The following FGF12 variants were observed in gnomAD, a reference collection of about 807,000 sequenced individuals.
FGF12 encodes fibroblast growth factor 12, also known as fibroblast growth factor 12B.
In FGF12, 14 loss-of-function variants were observed where a neutral mutation model predicts 23.6. That is an observed-to-expected ratio of 0.59 (90% CI 0.39 to 0.93). The LOEUF (loss-of-function observed/expected upper bound fraction) is 0.93, where lower values mean the gene tolerates loss of function less well. Among genes scored for constraint, FGF12 ranks in the 40% least tolerant of loss-of-function variants. The pLI, the probability that FGF12 is intolerant of heterozygous loss-of-function variation, is 0.00. For missense variants in FGF12, 175 were observed against 217.8 expected, an observed-to-expected ratio of 0.80 and a Z score of 1.24; for synonymous variants, 62 against 77.3, an observed-to-expected ratio of 0.80 and a Z score of 1.04.
intron 4 of FGF12, among the ~76,000 whole-genome samples, chr3:192,281,512 A>G (rs773899534): frequency 5.3e-5 from 8 of 152,112 alleles, no homozygotes; most frequent in Admixed American, 2.0e-4. Context: ...GGAGGACACT[A>G]TTCATGTGTG....
At chr3:192,667,992 A>G (rs1716957485) in intron 2 of FGF12, among the ~76,000 whole-genome samples, 1 of 152,146 alleles carries the variant, frequency 6.6e-6, no homozygotes, top group South Asian at 2.1e-4. Context: ...TATACATGCA[A>G]ATGGTTAGCT....
chr3:192,283,676 T>G (rs976244565), intron 4 of FGF12, among the ~76,000 whole-genome samples: 1 of 152,042 alleles, frequency 6.6e-6, no homozygotes, highest in African/African-American at 2.4e-5. Flanking sequence ...TCCTACATCT[T>G]TATTCCATAT....
intron 4 of FGF12, among the ~76,000 whole-genome samples, chr3:192,188,752 A>T (rs1299561378): frequency 6.6e-6 from 1 of 152,238 alleles, no homozygotes; most frequent in Non-Finnish European, 1.5e-5. Context: ...GGACTCATTT[A>T]AAACTTGAAT....
intron 5 of FGF12, among the ~76,000 whole-genome samples, chr3:192,149,015 T>C (rs750479164): frequency 5.2e-4 from 79 of 152,188 alleles, no homozygotes; most frequent in Non-Finnish European, 9.4e-4. Context: ...GGCTAATTTG[T>C]GTCAGAGCTT....
rs904283629 is a variant in FGF12 at position 192,581,407 on chromosome 3, A to AAT, written c.13+145772_13+145773dup. On this transcript the variant is annotated intron_variant, in intron 2 of 5. Coordinates refer to ENST00000445105, the MANE Select transcript of FGF12 (RefSeq NM_004113.6). ...ACATGATGAGACCTCACCTCTCTAA[A>AAT]ATATATATATATGTGTGTGTATATA... is the stretch of plus-strand genomic sequence containing the variant. 6.0e-5 allele frequency among the ~76,000 whole-genome samples: 9 copies of AAT among 149,808 alleles called. No individual in the cohort carries two copies. In the South Asian group the frequency reaches 1.5e-3, roughly 25 times the overall value.
chr3:192,442,825 T>G (rs920221235), intron 2 of FGF12, among the ~76,000 whole-genome samples: 3 of 150,502 alleles, frequency 2.0e-5, no homozygotes, highest in Admixed American at 6.6e-5. Context: ...TTTTTTTTTT[T>G]GAGACAGAGT....
chr3:192,719,393 G>T (rs1361696170), intron 2 of FGF12, among the ~76,000 whole-genome samples: 2 of 152,124 alleles, frequency 1.3e-5, no homozygotes, highest in Non-Finnish European at 2.9e-5. Flanking sequence ...GTTATTGAGG[G>T]TCTTGCTATA....
At chr3:192,456,467 T>C (rs896453802) in intron 2 of FGF12, among the ~76,000 whole-genome samples, 6 of 152,222 alleles carry the variant, frequency 3.9e-5, no homozygotes, top group Admixed American at 2.0e-4. Flanking sequence ...ATCTTTTTTA[T>C]TATAAATGTG....
chr3:192,611,545 G>T (rs199863645), intron 2 of FGF12, among the ~76,000 whole-genome samples: 3 of 151,946 alleles, frequency 2.0e-5, no homozygotes, highest in African/African-American at 7.2e-5. Flanking sequence ...TAAAGAAAAA[G>T]TGCACCGTCA....
chr3:192,170,598 A>T lies in FGF12; in HGVS notation c.287T>A (p.Ile96Asn). The change falls in exon 5 of 6, where the codon ATC (isoleucine) becomes AAC (asparagine). Residue 96 changes from isoleucine to asparagine, a missense_variant. By Grantham distance (149) the Ile-to-Asn change is moderately radical. Transcript: ENST00000445105. The stretch of plus-strand genomic sequence containing the variant: ...CTGGCGGTACAGTGTGGAAGAATAG[A>T]TCACATAGTAGTTTTCAAACACAGA... ...KESVFENYYVIYSSTLYRQQE... is the reference protein window; with the variant it reads ...KESVFENYYVNYSSTLYRQQE... 6.2e-7 allele frequency: 1 copy of T among 1,613,982 alleles called. No individual in the cohort carries two copies.
At chr3:192,317,365 G>A (rs943544282) in intron 4 of FGF12, among the ~76,000 whole-genome samples, 2 of 151,636 alleles carry the variant, frequency 1.3e-5, no homozygotes, top group East Asian at 2.0e-4. Flanking sequence ...CCTAAAGAGC[G>A]AGACCCAGCC....
At chr3:192,155,129 C>T (rs1209296600) in intron 5 of FGF12, among the ~76,000 whole-genome samples, 1 of 152,002 alleles carries the variant, frequency 6.6e-6, no homozygotes, top group Non-Finnish European at 1.5e-5. Context: ...CTCCCTGCCC[C>T]CTTGCGCTTC....
intron 2 of FGF12, among the ~76,000 whole-genome samples, chr3:192,434,137 A>G (rs1200221050): frequency 6.6e-6 from 1 of 152,156 alleles, no homozygotes; most frequent in East Asian, 1.9e-4. Flanking sequence ...TGTGGAAAAA[A>G]AATTCTCACT....
chr3:192,599,269 A>AATAATAATAATAATAATAATAATAATT (rs3043818), intron 2 of FGF12, among the ~76,000 whole-genome samples: 214 of 148,092 alleles, frequency 1.4e-3, no homozygotes, highest in African/African-American at 5.0e-3. Flanking sequence ...TAATAATAAT[A>AATAATAATAATAATAATAATAATAATT]ATAATAATAA....
At chr3:192,357,871 C>T (rs1005548809) in intron 3 of FGF12, among the ~76,000 whole-genome samples, 1 of 152,118 alleles carries the variant, frequency 6.6e-6, no homozygotes, top group Admixed American at 6.5e-5. Context: ...GCATCTTCAA[C>T]ACCTATAAGA....
rs34803297 is a variant in FGF12 at position 192,464,499 on chromosome 3, GGTGTGTGTGT to G, written c.14-103971_14-103962del. Among the ~76,000 whole-genome samples, 738 of 132,666 alleles carry G rather than the reference GGTGTGTGTGT, an allele frequency of 5.6e-3. 8 individuals carry two copies. Among genetic ancestry groups the G allele is most frequent in the African/African-American group, 0.017 (616 of 35,804 alleles). The allele number at this position is 132,666 out of a possible 152,430, so 87.0% of individuals were successfully genotyped here. A position where few individuals can be genotyped will look rare whatever the true frequency, so the allele number is the denominator to read the frequency against. On this transcript the variant is annotated intron_variant, in intron 2 of 5. Coordinates refer to ENST00000445105, the MANE Select transcript of FGF12 (RefSeq NM_004113.6). ...TTTTTAGGGCTGAGTAGTATTCCAT[GGTGTGTGTGT>G]GTGTGTGTGTGTGTGTGTGTGTGTG...
intron 2 of FGF12, among the ~76,000 whole-genome samples, chr3:192,658,816 T>A (rs976858730): frequency 6.6e-6 from 1 of 151,832 alleles, no homozygotes; most frequent in Non-Finnish European, 1.5e-5. Context: ...GGTGACTGAG[T>A]TTTTCTCTGG....
chr3:192,727,346 C>G, intron 1 of FGF12, 23 bp from the exon 2 acceptor site: 2 of 1,534,284 alleles, frequency 1.3e-6, no homozygotes, highest in Admixed American at 2.0e-5. Flanking sequence ...ATTTCTTAAA[C>G]CTTGAAGCTG....
chr3:192,215,950 T>C (rs1329853414), intron 4 of FGF12, among the ~76,000 whole-genome samples: 1 of 152,216 alleles, frequency 6.6e-6, no homozygotes, highest in African/African-American at 2.4e-5. Context: ...CATCCCACTA[T>C]CTTATCTGTA....
Sources: allele counts gnomAD v4.1 joint callset (sites outside exome capture counted in the v4.1 genomes callset), GRCh38; gene constraint gnomAD v4.1.1; transcripts MANE v1.5; gene names NCBI Gene and HGNC (gene_info 2026-07-23, HGNC 2026-07-21).